The following HCRTR2 variants were observed in gnomAD, a reference collection of about 807,000 sequenced individuals.
The protein encoded by HCRTR2 is hypocretin receptor 2, also known as orexin receptor type 2.
Under a neutral mutation model 49.0 loss-of-function variants are expected in HCRTR2, and 22 were observed. The observed-to-expected ratio is 0.45, with a 90% CI of 0.32 to 0.64. The LOEUF (loss-of-function observed/expected upper bound fraction) is 0.64, where lower values mean the gene tolerates loss of function less well. Among genes scored for constraint, HCRTR2 ranks in the 30% least tolerant of loss-of-function variants. The probability of loss-of-function intolerance (pLI) is 0.04; values close to 1 mark genes in which losing one functional copy is unlikely to be tolerated. For missense variants in HCRTR2, 491 were observed against 559.4 expected (o/e 0.88, Z 1.23); for synonymous variants, 236 against 205.3 (o/e 1.15, Z -1.28).
Position 55,255,156 on chromosome 6 carries a change from T to C in HCRTR2, c.423T>C (p.Ser141=). 6.2e-7 allele frequency: 1 copy of C among 1,614,010 alleles called. No individual in the cohort carries two copies. Among genetic ancestry groups the C allele is most frequent in the Non-Finnish European group, 8.5e-7 (1 of 1,179,920 alleles). ...PYLQTVSVSV[S]VLTLSCIALD... ...TCTAGACCGTGTCGGTGTCTGTGTCTGTCCTCACACTGAGCTGTATCGCCT... is the reference window on the plus strand; with the variant it reads ...TCTAGACCGTGTCGGTGTCTGTGTCCGTCCTCACACTGAGCTGTATCGCCT... Residue 141 remains serine (S), a synonymous_variant, in exon 3 of 7, where the codon TCT becomes TCC. Transcript: ENST00000370862.
rs1055955287 is a variant in HCRTR2, at chr6:55,277,451, A to G, written c.834A>G (p.Pro278=). ...AGCCTGTTTCACAGCCTCGAGGGCC[A>G]GGACAGCCAACGAAGTCCCGGATGA... ...PLQPVSQPRG[P]GQPTKSRMSA... The change falls in exon 5 of 7, where the codon CCA becomes CCG. Residue 278 remains proline, a synonymous_variant. Coordinates refer to ENST00000370862, the MANE Select transcript of HCRTR2 (RefSeq NM_001384272.1). 6 of 1,613,998 alleles carry G rather than the reference A, an allele frequency of 3.7e-6. No individual in the cohort carries two copies. The South Asian group carries it at 4.4e-5, about 12-fold the overall frequency.
intron 1 of HCRTR2, among the ~76,000 whole-genome samples, chr6:55,246,390 T>A (rs957090010): frequency 6.6e-6 from 1 of 151,952 alleles, no homozygotes; most frequent in Admixed American, 6.6e-5. Context: ...TGCTAGTAAT[T>A]AAAGCCACTG....
chr6:55,112,211 G>T (rs999553968), intron 1 of HCRTR2, among the ~76,000 whole-genome samples: 1 of 151,914 alleles, frequency 6.6e-6, no homozygotes, highest in Non-Finnish European at 1.5e-5. Flanking sequence ...AAAGTTGAAG[G>T]CATTCCCCCT....
intron 1 of HCRTR2, among the ~76,000 whole-genome samples, chr6:55,232,661 A>C (rs933491738): frequency 7.2e-5 from 11 of 152,340 alleles, no homozygotes; most frequent in Admixed American, 3.9e-4. Context: ...GAACTTTATT[A>C]AGTTTTATTT....
intron 1 of HCRTR2, among the ~76,000 whole-genome samples, chr6:55,134,793 T>C (rs1045821992): frequency 5.3e-5 from 8 of 152,084 alleles, no homozygotes; most frequent in African/African-American, 1.9e-4. Context: ...ATCCATGTCA[T>C]TGCAAATGGC....
intron 1 of HCRTR2, among the ~76,000 whole-genome samples, chr6:55,125,214 T>C (rs1764256643): frequency 1.3e-5 from 2 of 152,206 alleles, no homozygotes; most frequent in South Asian, 2.1e-4. Flanking sequence ...GTGTTGATGG[T>C]CTTTACAATT....
At chr6:55,242,850 G>T (rs1390052701) in intron 1 of HCRTR2, among the ~76,000 whole-genome samples, 1 of 152,142 alleles carries the variant, frequency 6.6e-6, no homozygotes, top group African/African-American at 2.4e-5. Context: ...AATGGCAAAG[G>T]CCATTTTAAA....
At chr6:55,281,063 G>A (rs989803023) in intron 6 of HCRTR2, among the ~76,000 whole-genome samples, 5 of 151,974 alleles carry the variant, frequency 3.3e-5, no homozygotes, top group East Asian at 1.9e-4. Context: ...CATTTTGCCC[G>A]ACTGACTTTT....
chr6:55,252,612 C>T (rs1478149278), intron 2 of HCRTR2, among the ~76,000 whole-genome samples: 1 of 151,950 alleles, frequency 6.6e-6, no homozygotes, highest in Non-Finnish European at 1.5e-5. Flanking sequence ...TAAGGTGATA[C>T]TGGTTTGAGA....
rs1767217787 is a variant in HCRTR2 at position 55,282,590 on chromosome 6, T to C, written c.*136T>C. The C allele has an allele frequency of 3.2e-6, 2 of 625,546 alleles. No homozygotes were observed. Among genetic ancestry groups the C allele is most frequent in the Admixed American group, 2.9e-5 (1 of 34,170 alleles). 38.7% of individuals were successfully genotyped at this position (625,546 alleles called of 1,614,324 possible). A position where few individuals can be genotyped will look rare whatever the true frequency, so the allele number is the denominator to read the frequency against. On this transcript the variant is annotated 3_prime_UTR_variant, in exon 7 of 7. Transcript: ENST00000370862. ...TTTTTTTTTTTAATCTATTGCTCTT[T>C]GGAAATAAAAAAAAAGTCAGTTTAA...
intron 1 of HCRTR2, among the ~76,000 whole-genome samples, chr6:55,121,387 G>C (rs1438597321): frequency 6.6e-6 from 1 of 152,050 alleles, no homozygotes; most frequent in Non-Finnish European, 1.5e-5. Flanking sequence ...GAGATGATGG[G>C]ATTTTCTAGA....
intron 1 of HCRTR2, among the ~76,000 whole-genome samples, chr6:55,189,508 A>G (rs142827977): frequency 4.6e-5 from 7 of 152,322 alleles, no homozygotes; most frequent in Non-Finnish European, 7.4e-5. Context: ...CAAAGAAAGT[A>G]CAGTGGCTCT....
chr6:55,172,104 A>G (rs1245984396), upstream of HCRTR2, among the ~76,000 whole-genome samples: 2 of 152,180 alleles, frequency 1.3e-5, no homozygotes, highest in Non-Finnish European at 2.9e-5. Context: ...CTACTTGTCA[A>G]ATTTACTGGT....
chr6:55,142,208 T>C (rs991557430), intron 1 of HCRTR2, among the ~76,000 whole-genome samples: 3 of 152,004 alleles, frequency 2.0e-5, no homozygotes, highest in African/African-American at 7.2e-5. Flanking sequence ...AAAATTTTTT[T>C]TTTTTTGAGA....
At chr6:55,138,149 T>C (rs983289705) in intron 1 of HCRTR2, among the ~76,000 whole-genome samples, 4 of 152,182 alleles carry the variant, frequency 2.6e-5, no homozygotes, top group Non-Finnish European at 4.4e-5. Flanking sequence ...ATGTATTCAG[T>C]TAAAAATAAA....
At chr6:55,129,413 T>C (rs1333015992) in intron 1 of HCRTR2, among the ~76,000 whole-genome samples, 1 of 152,064 alleles carries the variant, frequency 6.6e-6, no homozygotes, top group African/African-American at 2.4e-5. Flanking sequence ...GGTTTTGAAA[T>C]GTAAGTAAGA....
intron 1 of HCRTR2, among the ~76,000 whole-genome samples, chr6:55,136,914 C>T (rs1012148552): frequency 1.3e-5 from 2 of 152,088 alleles, no homozygotes; most frequent in Non-Finnish European, 2.9e-5. Flanking sequence ...CTTGATGTGT[C>T]CTCAGTTGCT....
At chr6:55,190,602 A>G (rs1258028148) in intron 1 of HCRTR2, among the ~76,000 whole-genome samples, 1 of 152,222 alleles carries the variant, frequency 6.6e-6, no homozygotes, top group Non-Finnish European at 1.5e-5. Context: ...TACATTCCCC[A>G]TATATATCAA....
chr6:55,163,815 G>T (rs912388781), intron 1 of HCRTR2, among the ~76,000 whole-genome samples: 3 of 152,076 alleles, frequency 2.0e-5, no homozygotes, highest in African/African-American at 7.2e-5. Context: ...CACAGCAAAA[G>T]AAACTATCAT....
Sources: gnomAD v4.1 joint callset for allele counts (sites outside exome capture counted in the v4.1 genomes callset) on GRCh38, gnomAD v4.1.1 for gene constraint, MANE v1.5 for transcripts, NCBI Gene and HGNC (gene_info 2026-07-23, HGNC 2026-07-21) for gene names.